CNTNAP3B: variants seen among roughly 807,000 people sequenced by gnomAD.
CNTNAP3B encodes the protein contactin-associated protein-like 3B.
A neutral mutation model predicts 108.9 loss-of-function variants in CNTNAP3B; 25 were observed. The observed-to-expected ratio is 0.23, with a 90% CI of 0.17 to 0.32. The LOEUF (loss-of-function observed/expected upper bound fraction) is 0.32, where lower values mean the gene tolerates loss of function less well. Among genes scored for constraint, CNTNAP3B ranks in the 10% least tolerant of loss-of-function variants. The probability of loss-of-function intolerance (pLI) is 1.00; values close to 1 mark genes in which losing one functional copy is unlikely to be tolerated. For synonymous variants in CNTNAP3B, 103 were observed against 473.4 expected, an observed-to-expected ratio of 0.22 and a Z score of 10.16; for missense variants, 252 against 1,210.4, an observed-to-expected ratio of 0.21 and a Z score of 11.75.
At chr9:42,097,007 C>T (rs1827915084) in intron 2 of CNTNAP3B, among the ~76,000 whole-genome samples, 1 of 136,004 alleles carries the variant, frequency 7.4e-6, no homozygotes, top group Non-Finnish European at 1.6e-5. Flanking sequence ...CCGCCTCAGC[C>T]TCCCAAAGTG....
In CNTNAP3B at chr9:42,035,536, C is replaced by T. The variant is rs973334853; in HGVS notation, c.391-22011G>A. On this transcript the variant is annotated intron_variant, in intron 3 of 23. Transcript: ENST00000377561. ...GACTTTGGACAAAAATCCTTCAGTGCCTCAGTTTCCTCATCCATAAAATTA... is the reference window on the plus strand; with the variant it reads ...GACTTTGGACAAAAATCCTTCAGTGTCTCAGTTTCCTCATCCATAAAATTA... Among the ~76,000 whole-genome samples, 31 of 147,382 alleles carry T rather than the reference C, an allele frequency of 2.1e-4. 2 individuals are homozygous for T. The East Asian group carries it at 6.3e-3, about 30-fold the overall frequency.
rs1827849032 is a variant in CNTNAP3B at position 42,094,015 on chromosome 9, C to A, written c.196+10614G>T. 1.5e-5 allele frequency among the ~76,000 whole-genome samples: 2 copies of A among 132,002 alleles called. 1 individual carries two copies. The highest frequency in any genetic ancestry group is 6.1e-5 in the African/African-American group (2 of 32,826). 86.6% of individuals were successfully genotyped at this position (132,002 alleles called of 152,430 possible). A position where few individuals can be genotyped will look rare whatever the true frequency, so the allele number is the denominator to read the frequency against. Reference sequence around the variant, plus strand: ...TTTTATAACTGAGGAAACAAAAACTCAGGGAGATAAAGGAATTTGTCCAAA... The same window carrying A: ...TTTTATAACTGAGGAAACAAAAACTAAGGGAGATAAAGGAATTTGTCCAAA... On this transcript the variant is annotated intron_variant, in intron 2 of 23. Coordinates refer to ENST00000377561, the MANE Select transcript of CNTNAP3B (RefSeq NM_001201380.3).
intron 12 of CNTNAP3B, 133 bp from the exon 13 acceptor site, chr9:41,953,519 G>C (rs1233900494): frequency 5.4e-6 from 5 of 923,882 alleles, no homozygotes; most frequent in South Asian, 1.5e-5. Context: ...GATTTGAGGA[G>C]TTGGACCTGT....
chr9:41,913,539 C>T (rs1387015533), intron 18 of CNTNAP3B, among the ~76,000 whole-genome samples: 1 of 134,614 alleles, frequency 7.4e-6, no homozygotes, highest in African/African-American at 2.9e-5. Context: ...ATATAATTTG[C>T]CACTTAACCA....
At chr9:42,107,718 G>A (rs1281402593) in intron 1 of CNTNAP3B, among the ~76,000 whole-genome samples, 1 of 138,308 alleles carries the variant, frequency 7.2e-6, no homozygotes, top group African/African-American at 2.9e-5. Flanking sequence ...GCTCACACCT[G>A]TAATCCCAAC....
rs1267296064 is a variant in CNTNAP3B, at chr9:41,928,388, C to T, written c.2365+929G>A. Among the ~76,000 whole-genome samples, 3 of 152,158 alleles carry T rather than the reference C, an allele frequency of 2.0e-5. No individual in the cohort carries two copies. The East Asian group carries it at 5.8e-4, about 29-fold the overall frequency. On this transcript the variant is annotated intron_variant, in intron 15 of 23. Transcript: ENST00000377561. ...GCATCTCAGATGAGGAGCCCCCAGA[C>T]AAGGGTCCGGGACTCCTTCATCAAG...
At chr9:41,948,534 TG>T (rs1284072147) in intron 13 of CNTNAP3B, among the ~76,000 whole-genome samples, 8 of 147,978 alleles carry the variant, frequency 5.4e-5, no homozygotes, top group Admixed American at 4.7e-4. Context: ...AAAGACAATA[TG>T]AAAAAAGAAA....
chr9:41,923,273 G>A (rs1300749243), intron 16 of CNTNAP3B, among the ~76,000 whole-genome samples: 2 of 147,906 alleles, frequency 1.4e-5, no homozygotes, highest in African/African-American at 2.5e-5. Flanking sequence ...AACACTGAAT[G>A]TAAATTTTGA....
chr9:41,964,464 T>G (rs1825203418), intron 11 of CNTNAP3B, 74 bp downstream of exon 11: 1 of 1,376,478 alleles, frequency 7.3e-7, no homozygotes, highest in Admixed American at 2.8e-5. Flanking sequence ...AATATGCAGA[T>G]ACATATAAAC....
At position 42,077,151 on chromosome 9, in the gene CNTNAP3B, A is replaced by T. The variant is rs1827509802; in HGVS notation, c.197-89T>A. On this transcript the variant is annotated intron_variant, in intron 2 of 23. Transcript: ENST00000377561. ...TAGATTAGAAAACTATAAAATTATG[A>T]ATATATATTAAGAAAATCATCGATT... The T allele has an allele frequency of 1.1e-5, 8 of 724,752 alleles. 2 individuals carry two copies. The highest frequency in any genetic ancestry group is 3.5e-5 in the Admixed American group (1 of 28,490). The allele number at this position is 724,752 out of a possible 1,614,324, so 44.9% of individuals were successfully genotyped here.
chr9:42,120,603 A>C (rs572833717), intron 1 of CNTNAP3B, among the ~76,000 whole-genome samples: 1 of 138,402 alleles, frequency 7.2e-6, no homozygotes, highest in South Asian at 2.4e-4. Context: ...CTGGATTAAG[A>C]AAATGTGGCA....
chr9:42,121,654 G>A (rs1263164714), intron 1 of CNTNAP3B, among the ~76,000 whole-genome samples: 2 of 140,156 alleles, frequency 1.4e-5, no homozygotes, highest in Non-Finnish European at 3.1e-5. Flanking sequence ...AAGGAAAGCT[G>A]CCCAATCTCT....
chr9:41,894,207 T>G, intron 23 of CNTNAP3B, 97 bp from the exon 24 acceptor site: 1 of 248,062 alleles, frequency 4.0e-6, no homozygotes, highest in South Asian at 3.6e-5. Flanking sequence ...TGCAGTGGCA[T>G]GATCACAGCT....
chr9:41,979,944 CTTTTTTTTTTT>C (rs1214654461), intron 9 of CNTNAP3B: 1 of 42,386 alleles, frequency 2.4e-5, no homozygotes, highest in Non-Finnish European at 3.6e-5. Flanking sequence ...TTGAGGAAAC[CTTTTTTTTTTT>C]TTTTTTTTTT....
At chr9:41,940,533 T>A (rs568993097) in intron 13 of CNTNAP3B, among the ~76,000 whole-genome samples, 175 of 151,868 alleles carry the variant, frequency 1.2e-3, no homozygotes, top group Non-Finnish European at 1.5e-3. Flanking sequence ...AATAAAATCT[T>A]TTTAGGCCGG....
intron 8 of CNTNAP3B, among the ~76,000 whole-genome samples, chr9:41,990,296 C>T (rs1295044993): frequency 4.6e-5 from 6 of 131,242 alleles, no homozygotes; most frequent in South Asian, 5.1e-4. Flanking sequence ...GTGTGGGTCA[C>T]GATTTTAACC....
At chr9:42,060,045 G>GA (rs1366329128) in intron 3 of CNTNAP3B, among the ~76,000 whole-genome samples, 11 of 149,590 alleles carry the variant, frequency 7.4e-5, no homozygotes, top group Non-Finnish European at 4.4e-5. Context: ...GTTCTGGATA[G>GA]AACTTTCAGT....
Position 42,114,819 on chromosome 9 carries a change from G to A in CNTNAP3B, c.86-10080C>T, listed in dbSNP as rs1445025808. 8.0e-5 allele frequency among the ~76,000 whole-genome samples: 11 copies of A among 138,058 alleles called. 2 individuals are homozygous for A. In the South Asian group the frequency reaches 2.6e-3, roughly 33 times the overall value. 90.6% of individuals were successfully genotyped at this position (138,058 alleles called of 152,430 possible). A position where few individuals can be genotyped will look rare whatever the true frequency, so the allele number is the denominator to read the frequency against. On this transcript the variant is annotated intron_variant, in intron 1 of 23. Coordinates refer to ENST00000377561, the MANE Select transcript of CNTNAP3B (RefSeq NM_001201380.3). The stretch of plus-strand genomic sequence containing the variant: ...ATTTACAGTGAGACTGGGCGCAGTG[G>A]TCAAGATGGGTGGATCACAAGGTCA...
rs1444670739 is a variant in CNTNAP3B at position 41,924,701 on chromosome 9, C to A, written c.2366-608G>T. On this transcript the variant is annotated intron_variant, in intron 15 of 23. Coordinates refer to ENST00000377561, the MANE Select transcript of CNTNAP3B (RefSeq NM_001201380.3). The stretch of plus-strand genomic sequence containing the variant: ...CACACACACACACACAGTCTTAATT[C>A]CTTTCATGGCAAGAACAATCAAGAA... Among the ~76,000 whole-genome samples the A allele has an allele frequency of 2.7e-5, 4 of 149,882 alleles. No homozygotes were observed. The South Asian group carries it at 6.3e-4, about 24-fold the overall frequency.
Sources: allele counts gnomAD v4.1 joint callset (sites outside exome capture counted in the v4.1 genomes callset), GRCh38; gene constraint gnomAD v4.1.1; transcripts MANE v1.5; gene names NCBI Gene and HGNC (gene_info 2026-07-23, HGNC 2026-07-21).